CYP1A1: variants seen among roughly 807,000 people sequenced by gnomAD.
The protein encoded by CYP1A1 is cytochrome P450 1A1.
In CYP1A1, 43 loss-of-function variants were observed where a neutral mutation model predicts 33.6. The observed-to-expected ratio is 1.28, with a 90% CI of 1.00 to 1.65. CYP1A1 has a LOEUF of 1.65. Ranked by LOEUF, CYP1A1 falls within the 40% of genes most tolerant of loss-of-function variation. The pLI is 0.00. For synonymous variants in CYP1A1, 280 were observed against 257.8 expected (o/e 1.09, Z -0.83); for missense variants, 637 against 653.7 (o/e 0.97, Z 0.28).
At position 74,721,236 on chromosome 15, in the gene CYP1A1, G is replaced by A. The variant is rs768212140; in HGVS notation, c.1129C>T (p.Arg377Ter). 23 of 1,613,622 alleles carry A rather than the reference G, an allele frequency of 1.4e-5. No individual in the cohort carries two copies. In the East Asian group the frequency reaches 1.8e-4, roughly 13 times the overall value. ...GTGAAGGGGACGAAGGAAGAGTGTC[G>A]GAAGGTCTCCAGGATGAAGGCCTCC... is the stretch of plus-strand genomic sequence containing the variant. ...YMEAFILETF[R>*]HSSFVPFTIP... Residue 377 changes from arginine (R) to a stop codon, truncating the protein, a stop_gained, in exon 5 of 7, where the codon CGA becomes TGA. Transcript: ENST00000379727. LOFTEE classifies it high-confidence loss of function.
chr15:74,720,566 C>T lies in CYP1A1; in HGVS notation c.1462G>A (p.Val488Met), dbSNP rs779876388. Residue 488 changes from valine to methionine, a missense_variant, in exon 7 of 7, where the codon GTG (valine) becomes ATG (methionine). By Grantham distance (21) the Val-to-Met change is conservative. Transcript: ENST00000379727. ...AGCCCATAGATGGGGGTCATGTCCA[C>T]CTTCACGCCCAGTGGCACGCTGAAT... The part of the protein sequence containing the change: ...VEFSVPLGVK[V>M]DMTPIYGLTM... 8 of 1,612,634 alleles carry T rather than the reference C, an allele frequency of 5.0e-6. No homozygotes were observed. Among genetic ancestry groups the T allele is most frequent in the African/African-American group, 1.3e-5 (1 of 74,910 alleles).
Position 74,720,402 on chromosome 15 carries a change from AACCTTAGACCACAT to A in CYP1A1, c.*73_*86del. On this transcript the variant is annotated 3_prime_UTR_variant, in exon 7 of 7. Transcript: ENST00000379727. The stretch of plus-strand genomic sequence containing the variant: ...ATCAGTGTCTATGAGTTTCAGGCTG[AACCTTAGACCACAT>A]AGGCCAGCCTGCTGGTCTGGCTGCC... 2.8e-6 allele frequency: 4 copies of A among 1,418,976 alleles called. No individual in the cohort carries two copies. The highest frequency in any genetic ancestry group is 3.8e-6 in the Non-Finnish European group (4 of 1,054,758). 87.9% of individuals were successfully genotyped at this position (1,418,976 alleles called of 1,614,324 possible). A position where few individuals can be genotyped will look rare whatever the true frequency, so the allele number is the denominator to read the frequency against.
chr15:74,722,455 G>C lies in CYP1A1; in HGVS notation c.643C>G (p.Leu215Val). The part of the protein sequence containing the change: ...RRYDHNHQEL[L>V]SLVNLNNNFG... ...TTATTATTCAGGTTGACTAGGCTAA[G>C]CAGTTCTTGGTGGTTGTGGTCATAG... The change falls in exon 2 of 7, where the codon CTT becomes GTT. Residue 215 changes from leucine to valine, a missense_variant. Physicochemically the swap from Leu to Val is conservative, Grantham distance 32. Transcript: ENST00000379727. The C allele has an allele frequency of 6.2e-7, 1 of 1,614,138 alleles. No individual in the cohort carries two copies. Among genetic ancestry groups the C allele is most frequent in the Non-Finnish European group, 8.5e-7 (1 of 1,180,026 alleles).
intron 2 of CYP1A1, chr15:74,722,003 C>A: frequency 1.7e-6 from 1 of 591,834 alleles, no homozygotes; most frequent in South Asian, 2.1e-5. Context: ...CTCTTTAACT[C>A]TTCCTGGCTC....
In CYP1A1 at chr15:74,721,231, G is replaced by A. The variant is rs1318315513; in HGVS notation, c.1134C>T (p.His378=). Residue 378 remains histidine (H), a synonymous_variant, in exon 5 of 7, where the codon CAC becomes CAT. Transcript: ENST00000379727. The stretch of plus-strand genomic sequence containing the variant: ...GGATGGTGAAGGGGACGAAGGAAGA[G>A]TGTCGGAAGGTCTCCAGGATGAAGG... ...MEAFILETFR[H]SSFVPFTIPH... The A allele has an allele frequency of 1.2e-6, 2 of 1,613,784 alleles. No homozygotes were observed. The highest frequency in any genetic ancestry group is 1.7e-6 in the Non-Finnish European group (2 of 1,179,836).
At chr15:74,724,079 T>G (rs2063195287) in intron 1 of CYP1A1, among the ~76,000 whole-genome samples, 1 of 152,110 alleles carries the variant, frequency 6.6e-6, no homozygotes, top group African/African-American at 2.4e-5. Flanking sequence ...TAGATTGAGC[T>G]CTTTAGTCAG....
chr15:74,720,773 T>C lies in CYP1A1; in HGVS notation c.1255A>G (p.Lys419Glu), dbSNP rs138804663. 6.2e-7 allele frequency: 1 copy of C among 1,607,760 alleles called. No individual in the cohort carries two copies. The highest frequency in any genetic ancestry group is 8.5e-7 in the Non-Finnish European group (1 of 1,176,312). Residue 419 changes from lysine to glutamate, a missense_variant and splice_region_variant, in exon 7 of 7, where the codon AAG becomes GAG. Coordinates refer to ENST00000379727, the MANE Select transcript of CYP1A1 (RefSeq NM_001319217.2). ...VNQWQINHDQKLWVNPSEFLP... is the reference protein window; with the variant it reads ...VNQWQINHDQELWVNPSEFLP... ...AACTCAGATGGGTTGACCCATAGCT[T>C]CCTGTAACCAGAGGGAGACAGCTGA...
Position 74,722,579 on chromosome 15 carries a change from C to T in CYP1A1, c.519G>A (p.Thr173=), listed in dbSNP as rs150427960. 89 of 1,614,050 alleles carry T rather than the reference C, an allele frequency of 5.5e-5. No homozygotes were observed. The South Asian group carries it at 5.9e-4, about 11-fold the overall frequency. The change falls in exon 2 of 7, where the codon ACG becomes ACA. Residue 173 remains threonine (T), a synonymous_variant. Transcript: ENST00000379727. The part of the protein sequence containing the change: ...VSKEAEVLIS[T]LQELMAGPGH... ...CAGGCCCTGCCATCAGCTCCTGCAA[C>T]GTGCTTATCAGGACCTCAGCCTCCT...
chr15:74,724,182 TA>T (rs1330375456), intron 1 of CYP1A1, among the ~76,000 whole-genome samples: 1 of 151,980 alleles, frequency 6.6e-6, no homozygotes, highest in East Asian at 1.9e-4. Flanking sequence ...GAGCAGAGAA[TA>T]AATGGAAGGT....
Position 74,722,958 on chromosome 15 carries a change from G to T in CYP1A1, c.140C>A (p.Pro47His), listed in dbSNP as rs756138124. The change falls in exon 2 of 7, where the codon CCT becomes CAT. Residue 47 changes from proline to histidine, a missense_variant. Coordinates refer to ENST00000379727, the MANE Select transcript of CYP1A1 (RefSeq NM_001319217.2). ...LKNPPGPWGW[P>H]LIGHMLTLGK... is the part of the protein sequence containing the mutation. The stretch of plus-strand genomic sequence containing the variant: ...CAGGGTCAGCATGTGCCCAATCAGA[G>T]GCCAGCCCCATGGCCCTGGTGGATT... The T allele has an allele frequency of 1.2e-6, 2 of 1,614,152 alleles. No homozygotes were observed. The highest frequency in any genetic ancestry group is 2.7e-5 in the African/African-American group (2 of 75,018).
At position 74,723,032 on chromosome 15, in the gene CYP1A1, T is replaced by A; in HGVS notation, c.66A>T (p.Val22=). The change falls in exon 2 of 7, where the codon GTA becomes GTT. Residue 22 remains valine (V), a synonymous_variant. Coordinates refer to ENST00000379727, the MANE Select transcript of CYP1A1 (RefSeq NM_001319217.2). ...GTCTTGAGGCCCTGATTACCCAGAA[T>A]ACCAGACAGAAGATGACAGAGGCCA... The part of the protein sequence containing the change: ...FLLASVIFCL[V]FWVIRASRPQ... 1 of 1,612,178 alleles carries A rather than the reference T, an allele frequency of 6.2e-7. No individual in the cohort carries two copies. The highest frequency in any genetic ancestry group is 8.5e-7 in the Non-Finnish European group (1 of 1,178,930).
chr15:74,722,309 C>T lies in CYP1A1; in HGVS notation c.789G>A (p.Gln263=), dbSNP rs1219303815. The change falls in exon 2 of 7, where the codon CAG becomes CAA. Residue 263 remains glutamine (Q), a synonymous_variant. Transcript: ENST00000379727. ...DLNEKFYSFM[Q]KMVKEHYKTF... ...TTTTGTAGTGCTCCTTGACCATCTT[C>T]TGCATGAAGCTGTAGAACTTCTCAT... 68 of 1,613,464 alleles carry T rather than the reference C, an allele frequency of 4.2e-5. No homozygotes were observed. Among genetic ancestry groups the T allele is most frequent in the Non-Finnish European group, 5.5e-5 (65 of 1,179,586 alleles).
rs2063169037 is a variant in CYP1A1 at position 74,721,409 on chromosome 15, C to T, written c.1042+5G>A. 6 of 1,614,180 alleles carry T rather than the reference C, an allele frequency of 3.7e-6. No individual in the cohort carries two copies. The highest frequency in any genetic ancestry group is 5.1e-6 in the Non-Finnish European group (6 of 1,180,020). ...CTGACCCCTTTGAAGGGAGCCACTA[C>T]CTACCTAGCTCCTCTTGGATCTTTC... On this transcript the variant is annotated splice_donor_5th_base_variant and intron_variant, in intron 4 of 6. Transcript: ENST00000379727.
rs748507253 is a variant in CYP1A1 at position 74,721,053 on chromosome 15, G to C, written c.1167C>G (p.Ser389Arg). 6.2e-7 allele frequency: 1 copy of C among 1,614,078 alleles called. No homozygotes were observed. Among genetic ancestry groups the C allele is most frequent in the African/African-American group, 1.3e-5 (1 of 75,014 alleles). ...SSFVPFTIPH[S>R]TTRDTSLKGF... ...CTTTCAAACTTGTGTCTCTTGTTGT[G>C]CTAGGGAGAAAGGAAGCTCAGTCAG... Residue 389 changes from serine to arginine, a missense_variant and splice_region_variant, in exon 6 of 7, where the codon AGC (serine) becomes AGG (arginine). Transcript: ENST00000379727.
chr15:74,721,454 C>A lies in CYP1A1; in HGVS notation c.1002G>T (p.Val334=). ...TCTTTCTCTGTACCCTGGGGTTCATCACCAAATACATGAGGCTCCAGGAGA... is the reference window on the plus strand; with the variant it reads ...TCTTTCTCTGTACCCTGGGGTTCATAACCAAATACATGAGGCTCCAGGAGA... The part of the protein sequence containing the change: ...TAISWSLMYL[V]MNPRVQRKIQ... The change falls in exon 4 of 7, where the codon GTG becomes GTT. Residue 334 remains valine (V), a synonymous_variant. Transcript: ENST00000379727. 4 of 1,614,164 alleles carry A rather than the reference C, an allele frequency of 2.5e-6. No individual in the cohort carries two copies. Among genetic ancestry groups the A allele is most frequent in the Non-Finnish European group, 3.4e-6 (4 of 1,180,036 alleles).
In CYP1A1 at chr15:74,722,931, C is replaced by G; in HGVS notation, c.167G>C (p.Gly56Ala). 6.2e-7 allele frequency: 1 copy of G among 1,614,186 alleles called. No homozygotes were observed. Among genetic ancestry groups the G allele is most frequent in the Non-Finnish European group, 8.5e-7 (1 of 1,180,048 alleles). The change falls in exon 2 of 7, where the codon GGA (glycine) becomes GCA (alanine). Residue 56 changes from glycine (G) to alanine (A), a missense_variant. Physicochemically the swap from Gly to Ala is moderately conservative, Grantham distance 60. Coordinates refer to ENST00000379727, the MANE Select transcript of CYP1A1 (RefSeq NM_001319217.2). ...WPLIGHMLTL[G>A]KNPHLALSRM... Reference sequence around the variant, plus strand: ...TGACAGTGCCAGGTGCGGGTTCTTTCCCAGGGTCAGCATGTGCCCAATCAG... The same window carrying G: ...TGACAGTGCCAGGTGCGGGTTCTTTGCCAGGGTCAGCATGTGCCCAATCAG...
rs769983960 is a variant in CYP1A1, at chr15:74,722,829, T to C, written c.269A>G (p.Asp90Gly). ...CCGCACCAGGGCCTGCCGGATGGTG[T>C]CCAGGCCGCTCAGCACCACCACGGG... ...STPVVVLSGL[D>G]TIRQALVRQG... Residue 90 changes from aspartate to glycine, a missense_variant, in exon 2 of 7, where the codon GAC becomes GGC. Transcript: ENST00000379727. 3.1e-6 allele frequency: 5 copies of C among 1,614,000 alleles called. No homozygotes were observed. The East Asian group carries it at 1.1e-4, about 36-fold the overall frequency.
At position 74,720,953 on chromosome 15, in the gene CYP1A1, A is replaced by C. The variant is rs1232214023; in HGVS notation, c.1253+14T>G. 15 of 1,613,502 alleles carry C rather than the reference A, an allele frequency of 9.3e-6. No homozygotes were observed. Among genetic ancestry groups the C allele is most frequent in the Non-Finnish European group, 1.3e-5 (15 of 1,179,440 alleles). On this transcript the variant is annotated intron_variant, in intron 6 of 6. Coordinates refer to ENST00000379727, the MANE Select transcript of CYP1A1 (RefSeq NM_001319217.2). ...AGGGTGGACCCAGCCTTTCCTCTGCATCTCTGAACTTACTGGTCATGGTTG... is the reference window on the plus strand; with the variant it reads ...AGGGTGGACCCAGCCTTTCCTCTGCCTCTCTGAACTTACTGGTCATGGTTG...
At position 74,721,181 on chromosome 15, in the gene CYP1A1, G is replaced by A; in HGVS notation, c.1166+18C>T. ...AGTAAGATCAGTAACAGACAGCAGT[G>A]GCTCCATGGGGCCTTACCTGTGGGG... On this transcript the variant is annotated intron_variant, in intron 5 of 6. Coordinates refer to ENST00000379727, the MANE Select transcript of CYP1A1 (RefSeq NM_001319217.2). 1 of 1,609,634 alleles carries A rather than the reference G, an allele frequency of 6.2e-7. No individual in the cohort carries two copies. The highest frequency in any genetic ancestry group is 8.5e-7 in the Non-Finnish European group (1 of 1,177,788).
Sources: allele counts gnomAD v4.1 joint callset (sites outside exome capture counted in the v4.1 genomes callset), GRCh38; gene constraint gnomAD v4.1.1; transcripts MANE v1.5; gene names NCBI Gene and HGNC (gene_info 2026-07-23, HGNC 2026-07-21).